Variants in EXOC4 observed in about 807,000 individuals in gnomAD.
EXOC4 encodes exocyst complex component 4.
In EXOC4, 71 loss-of-function variants were observed where a neutral mutation model predicts 107.2. That is an observed-to-expected ratio of 0.66 (90% CI 0.55 to 0.81). The LOEUF is 0.81. EXOC4 is among the 30% of genes least tolerant of loss of function. EXOC4 has a pLI of 0.00. For synonymous variants in EXOC4, 456 were observed against 441.2 expected, an observed-to-expected ratio of 1.03 and a Z score of -0.42; for missense variants, 1,108 against 1,189.6, an observed-to-expected ratio of 0.93 and a Z score of 1.01.
chr7:134,000,461 G>A (rs891134215), intron 15 of EXOC4, among the ~76,000 whole-genome samples: 31 of 152,202 alleles, frequency 2.0e-4, no homozygotes, highest in African/African-American at 7.5e-4. Flanking sequence ...ATATCCTGCT[G>A]TATATAAGGT....
chr7:133,461,852 CA>C (rs1445796310), intron 7 of EXOC4, among the ~76,000 whole-genome samples: 1 of 152,028 alleles, frequency 6.6e-6, no homozygotes. Flanking sequence ...GACAGAGATA[CA>C]AAGAAAAGAC....
At chr7:133,949,914 A>C (rs1205817677) in intron 14 of EXOC4, among the ~76,000 whole-genome samples, 1 of 152,176 alleles carries the variant, frequency 6.6e-6, no homozygotes, top group African/African-American at 2.4e-5. Context: ...TAAAAGATTA[A>C]AGTTATTGGC....
intron 7 of EXOC4, among the ~76,000 whole-genome samples, chr7:133,380,239 A>AAAAATAAAATAAAATAAAAT (rs10688501): frequency 2.1e-4 from 29 of 137,804 alleles, no homozygotes; most frequent in Admixed American, 1.0e-3. Flanking sequence ...AAAGTATAAT[A>AAAAATAAAATAAAATAAAAT]AAAATAAAAT....
chr7:133,267,555 T>A (rs1452832169), intron 1 of EXOC4, among the ~76,000 whole-genome samples: 2 of 152,180 alleles, frequency 1.3e-5, no homozygotes, highest in East Asian at 3.8e-4. Context: ...TCCTTCCTCC[T>A]TGCCTGTCTT....
intron 9 of EXOC4, among the ~76,000 whole-genome samples, chr7:133,579,774 C>T (rs1563114848): frequency 6.6e-6 from 1 of 152,020 alleles, no homozygotes; most frequent in Admixed American, 6.6e-5. Context: ...GCAACCTCCG[C>T]CTCCCGGGTT....
At chr7:133,501,536 C>A (rs972028870) in intron 9 of EXOC4, among the ~76,000 whole-genome samples, 2 of 152,100 alleles carry the variant, frequency 1.3e-5, no homozygotes, top group Non-Finnish European at 2.9e-5. Context: ...ATATGTCAGT[C>A]AGAAACAGAG....
rs374864103 is a variant in EXOC4 at position 133,527,265 on chromosome 7, A to G, written c.1417+47127A>G. On this transcript the variant is annotated intron_variant, in intron 9 of 17. Coordinates refer to ENST00000253861, the MANE Select transcript of EXOC4 (RefSeq NM_021807.4). ...CTAAAAATACAAAAATTAGCCGAGCATGGTGATGGGTGCCTGTAATCCCAG... is the reference window on the plus strand; with the variant it reads ...CTAAAAATACAAAAATTAGCCGAGCGTGGTGATGGGTGCCTGTAATCCCAG... 2.2e-4 allele frequency among the ~76,000 whole-genome samples: 34 copies of G among 151,858 alleles called. No individual in the cohort carries two copies. The South Asian group carries it at 6.9e-3, about 31-fold the overall frequency.
intron 7 of EXOC4, among the ~76,000 whole-genome samples, chr7:133,390,920 A>T (rs923131769): frequency 6.6e-6 from 1 of 152,226 alleles, no homozygotes; most frequent in Non-Finnish European, 1.5e-5. Context: ...TATACCTGTA[A>T]TTCAGTGAAG....
At chr7:133,763,812 C>A (rs887825833) in intron 10 of EXOC4, among the ~76,000 whole-genome samples, 2 of 151,712 alleles carry the variant, frequency 1.3e-5, no homozygotes, top group African/African-American at 2.4e-5. Flanking sequence ...GCGGAAAGGA[C>A]TACAAAGAAA....
chr7:133,658,600 C>T (rs763646), intron 10 of EXOC4, among the ~76,000 whole-genome samples: 64,778 of 151,698 alleles, frequency 0.43, 14,732 homozygotes, highest in Admixed American at 0.56. Context: ...TTTGGGGTAA[C>T]GCTGCAGTTT....
intron 1 of EXOC4, among the ~76,000 whole-genome samples, chr7:133,272,009 GA>G (rs766637319): frequency 5.1e-4 from 78 of 151,982 alleles, no homozygotes; most frequent in Non-Finnish European, 9.7e-4. Context: ...TTATGTTATG[GA>G]AAAACGCTAC....
chr7:133,750,710 G>A (rs1290349538), intron 10 of EXOC4, among the ~76,000 whole-genome samples: 1 of 151,710 alleles, frequency 6.6e-6, no homozygotes, highest in African/African-American at 2.4e-5. Flanking sequence ...CTCCCAAGTA[G>A]CTGGGACCAT....
chr7:133,326,800 C>A (rs765468437), intron 5 of EXOC4, among the ~76,000 whole-genome samples: 1 of 152,208 alleles, frequency 6.6e-6, no homozygotes, highest in Admixed American at 6.5e-5. Flanking sequence ...TGCCCTGCCC[C>A]CAGAGGTGCA....
intron 9 of EXOC4, among the ~76,000 whole-genome samples, chr7:133,537,625 C>G (rs567314819): frequency 2.0e-5 from 3 of 152,150 alleles, no homozygotes; most frequent in East Asian, 1.9e-4. Flanking sequence ...AACTACCCAC[C>G]ATGGTCAGTG....
chr7:133,735,728 A>G (rs753844451), intron 10 of EXOC4, among the ~76,000 whole-genome samples: 4 of 151,946 alleles, frequency 2.6e-5, no homozygotes, highest in East Asian at 1.9e-4. Context: ...AAATTCTCCA[A>G]ATTTTCTAGA....
At chr7:133,803,875 A>C (rs1395085347) in intron 10 of EXOC4, among the ~76,000 whole-genome samples, 1 of 152,226 alleles carries the variant, frequency 6.6e-6, no homozygotes, top group Non-Finnish European at 1.5e-5. Context: ...ACTATAAAGA[A>C]TTTAACACAG....
chr7:133,623,215 T>C (rs1802374510), intron 9 of EXOC4, among the ~76,000 whole-genome samples: 1 of 152,194 alleles, frequency 6.6e-6, no homozygotes, highest in Admixed American at 6.5e-5. Flanking sequence ...TACACAAGAA[T>C]AAAATATAAT....
At chr7:133,543,028 A>T (rs955432065) in intron 9 of EXOC4, among the ~76,000 whole-genome samples, 1 of 152,158 alleles carries the variant, frequency 6.6e-6, no homozygotes, top group Non-Finnish European at 1.5e-5. Flanking sequence ...TATCCCACAA[A>T]CATAACAGCT....
At chr7:133,837,109 C>T (rs1797933237) in intron 11 of EXOC4, among the ~76,000 whole-genome samples, 1 of 152,116 alleles carries the variant, frequency 6.6e-6, no homozygotes, top group Non-Finnish European at 1.5e-5. Flanking sequence ...CATGAATAAG[C>T]ATGGTACAAT....
Sources: gnomAD v4.1 joint callset for allele counts (sites outside exome capture counted in the v4.1 genomes callset) on GRCh38, gnomAD v4.1.1 for gene constraint, MANE v1.5 for transcripts, NCBI Gene and HGNC (gene_info 2026-07-23, HGNC 2026-07-21) for gene names.